The following NCAM2 variants were observed in gnomAD, a reference collection of about 807,000 sequenced individuals.
NCAM2 encodes the protein neural cell adhesion molecule 2.
NCAM2 carries 30 observed loss-of-function variants against 98.1 expected under a neutral mutation model. The ratio of observed to expected loss-of-function variants is 0.31; its 90% CI spans 0.23 to 0.41. NCAM2 has a LOEUF of 0.41. Among genes scored for constraint, NCAM2 ranks in the 10% least tolerant of loss-of-function variants. NCAM2 has a pLI of 1.00. For missense variants in NCAM2, 867 were observed against 1,005.8 expected (o/e 0.86, Z 1.87); for synonymous variants, 368 against 342.4 (o/e 1.07, Z -0.83).
At chr21:21,405,671 A>G (rs1020717183) in intron 9 of NCAM2, among the ~76,000 whole-genome samples, 7 of 149,058 alleles carry the variant, frequency 4.7e-5, no homozygotes, top group Admixed American at 4.1e-4. Context: ...CTATGAATCA[A>G]TTTATTTGTA....
intron 1 of NCAM2, among the ~76,000 whole-genome samples, chr21:21,083,710 C>CA (rs779029029): frequency 1.3e-5 from 2 of 152,248 alleles, no homozygotes; most frequent in East Asian, 3.9e-4. Flanking sequence ...CCACCACCCC[C>CA]AGCCTCATCT....
intron 1 of NCAM2, among the ~76,000 whole-genome samples, chr21:21,236,101 T>C (rs901920022): frequency 1.3e-5 from 2 of 151,990 alleles, no homozygotes; most frequent in East Asian, 1.9e-4. Flanking sequence ...CCTTGTTTAG[T>C]GCTTGTCATT....
intron 1 of NCAM2, among the ~76,000 whole-genome samples, chr21:21,181,621 A>C (rs532172169): frequency 6.6e-6 from 1 of 152,128 alleles, no homozygotes; most frequent in East Asian, 1.9e-4. Flanking sequence ...TTCCTATCTT[A>C]GGGCCTTTAC....
intron 1 of NCAM2, among the ~76,000 whole-genome samples, chr21:21,264,487 A>G (rs1234703122): frequency 6.6e-6 from 1 of 152,012 alleles, no homozygotes; most frequent in Non-Finnish European, 1.5e-5. Flanking sequence ...TAGCAATTCC[A>G]TTATTCAGTA....
intron 15 of NCAM2, among the ~76,000 whole-genome samples, chr21:21,507,704 T>G (rs1384392022): frequency 1.3e-5 from 2 of 149,370 alleles, no homozygotes; most frequent in South Asian, 2.1e-4. Context: ...GCATGAGAAT[T>G]GCTTGAACCC....
intron 1 of NCAM2, among the ~76,000 whole-genome samples, chr21:21,263,166 A>G (rs959631370): frequency 6.6e-6 from 1 of 152,180 alleles, no homozygotes; most frequent in African/African-American, 2.4e-5. Context: ...GTTTCATGAT[A>G]CAAAATTAAT....
intron 1 of NCAM2, among the ~76,000 whole-genome samples, chr21:21,025,379 C>T (rs995516881): frequency 6.6e-6 from 1 of 152,140 alleles, no homozygotes; most frequent in African/African-American, 2.4e-5. Flanking sequence ...GCCACTGCGC[C>T]CGGCCATTTT....
chr21:21,466,850 G>A, intron 13 of NCAM2, 125 bp downstream of exon 13: 1 of 1,004,614 alleles, frequency 1.0e-6, no homozygotes, highest in Non-Finnish European at 1.4e-6. Flanking sequence ...TTGGTGAAGT[G>A]GTTTCTGAAG....
rs1480853229 is a variant in NCAM2 at position 21,000,746 on chromosome 21, T to C, written c.55+2128T>C. Among the ~76,000 whole-genome samples the C allele has an allele frequency of 2.0e-5, 3 of 152,118 alleles. No individual in the cohort carries two copies. The South Asian group carries it at 6.2e-4, about 32-fold the overall frequency. ...CGTAGCTTTTGTGAAAGGGAACATA[T>C]AGTACTTCTATGCCATGTGTCCTGA... On this transcript the variant is annotated intron_variant, in intron 1 of 17. Transcript: ENST00000400546.
At position 21,248,520 on chromosome 21, in the gene NCAM2, T is replaced by G. The variant is rs190303606; in HGVS notation, c.56-32058T>G. Among the ~76,000 whole-genome samples, 578 of 152,160 alleles carry G rather than the reference T, an allele frequency of 3.8e-3. 5 individuals are homozygous for G. The highest frequency in any genetic ancestry group is 0.013 in the African/African-American group (552 of 41,530). On this transcript the variant is annotated intron_variant, in intron 1 of 17. Transcript: ENST00000400546. ...ATTAAGATTTATGAATTTCTGCCTG[T>G]AATCCCAGCACTTTGGGAGGCCGAG...
chr21:21,387,079 T>G (rs563162011), intron 9 of NCAM2, among the ~76,000 whole-genome samples: 251 of 152,144 alleles, frequency 1.6e-3, no homozygotes, highest in Non-Finnish European at 2.6e-3. Flanking sequence ...TCTCTAAATC[T>G]AGGGGCTATA....
At chr21:21,102,586 C>G (rs562209540) in intron 1 of NCAM2, among the ~76,000 whole-genome samples, 3 of 151,898 alleles carry the variant, frequency 2.0e-5, no homozygotes, top group Admixed American at 6.6e-5. Flanking sequence ...ACACTTTTCA[C>G]TAGTTAACTA....
At chr21:21,381,638 T>C (rs1317042545) in intron 9 of NCAM2, among the ~76,000 whole-genome samples, 2 of 152,188 alleles carry the variant, frequency 1.3e-5, no homozygotes, top group African/African-American at 4.8e-5. Context: ...TTGCAACCAT[T>C]TGGATTCCTT....
At chr21:21,530,283 TTTAATTATATATAA>T (rs1200180401) in intron 16 of NCAM2, among the ~76,000 whole-genome samples, 1 of 131,630 alleles carries the variant, frequency 7.6e-6, no homozygotes, top group East Asian at 2.1e-4. Context: ...TATAATTTAA[TTTAATTATATATAA>T]TTAAATTAAA....
intron 11 of NCAM2, among the ~76,000 whole-genome samples, chr21:21,420,015 A>T (rs1471179245): frequency 1.3e-5 from 2 of 152,112 alleles, no homozygotes; most frequent in Non-Finnish European, 2.9e-5. Flanking sequence ...CATCCTCTCC[A>T]GCACCTGTTG....
At chr21:21,036,688 T>TG (rs751700854) in intron 1 of NCAM2, among the ~76,000 whole-genome samples, 1 of 152,122 alleles carries the variant, frequency 6.6e-6, no homozygotes, top group African/African-American at 2.4e-5. Flanking sequence ...ACAATGGCCT[T>TG]GGGACCAAGT....
At chr21:21,200,360 A>G (rs981420920) in intron 1 of NCAM2, among the ~76,000 whole-genome samples, 8 of 150,086 alleles carry the variant, frequency 5.3e-5, no homozygotes, top group Admixed American at 1.3e-4. Context: ...TAGTCCGTCA[A>G]CTCTCAGGAA....
intron 15 of NCAM2, among the ~76,000 whole-genome samples, chr21:21,507,628 C>G (rs1021394629): frequency 4.0e-5 from 6 of 151,644 alleles, no homozygotes; most frequent in Non-Finnish European, 8.8e-5. Flanking sequence ...CCCGTTTCTA[C>G]TAAAAACACA....
At chr21:21,310,903 C>T (rs527697344) in intron 5 of NCAM2, among the ~76,000 whole-genome samples, 1 of 152,224 alleles carries the variant, frequency 6.6e-6, no homozygotes, top group South Asian at 2.1e-4. Flanking sequence ...TCCAGAGTGC[C>T]ATATTAGCAC....
Sources: allele counts gnomAD v4.1 joint callset (sites outside exome capture counted in the v4.1 genomes callset), GRCh38; gene constraint gnomAD v4.1.1; transcripts MANE v1.5; gene names NCBI Gene and HGNC (gene_info 2026-07-23, HGNC 2026-07-21).